HRH1: variants seen among roughly 807,000 people sequenced by gnomAD.
HRH1 encodes histamine H1 receptor.
A neutral mutation model predicts 10.3 loss-of-function variants in HRH1; 6 were observed. That is an observed-to-expected ratio of 0.58 (90% CI 0.32 to 1.15). HRH1 has a LOEUF of 1.15. HRH1 is among the 50% of genes most tolerant of loss of function. HRH1 has a pLI of 0.05. For missense variants in HRH1, 514 were observed against 615.3 expected (o/e 0.84, Z 1.74); for synonymous variants, 242 against 236.7 (o/e 1.02, Z -0.21).
chr3:11,167,634 A>G (rs966030740), intron 1 of HRH1, among the ~76,000 whole-genome samples: 7 of 152,264 alleles, frequency 4.6e-5, no homozygotes, highest in African/African-American at 9.6e-5. Flanking sequence ...AGCGCAATCA[A>G]TTGGTACCTC....
chr3:11,259,360 A>G lies in HRH1; in HGVS notation c.323A>G (p.Tyr108Cys), dbSNP rs1376009394. The G allele has an allele frequency of 1.2e-6, 2 of 1,613,442 alleles. No individual in the cohort carries two copies. Among genetic ancestry groups the G allele is most frequent in the African/African-American group, 2.7e-5 (2 of 74,762 alleles). Residue 108 changes from tyrosine (Y) to cysteine (C), a missense_variant, in exon 2 of 2, where the codon TAT becomes TGT. Transcript: ENST00000431010. The surrounding 1 kb of genome is among the most constrained non-coding windows in gnomAD (Gnocchi z 4.6). ...PLCLFWLSMD[Y>C]VASTASIFSV... ...TGCCTCTTTTGGCTTTCCATGGACTATGTGGCCAGCACAGCGTCCATTTTC... is the reference window on the plus strand; with the variant it reads ...TGCCTCTTTTGGCTTTCCATGGACTGTGTGGCCAGCACAGCGTCCATTTTC...
chr3:11,200,739 G>A (rs1295600844), intron 1 of HRH1, among the ~76,000 whole-genome samples: 3 of 152,100 alleles, frequency 2.0e-5, no homozygotes, highest in African/African-American at 2.4e-5. Context: ...TAACCCTTAC[G>A]CAGAAAGTCA....
At chr3:11,235,898 T>C (rs1238916233) in intron 1 of HRH1, among the ~76,000 whole-genome samples, 2 of 152,196 alleles carry the variant, frequency 1.3e-5, no homozygotes, top group African/African-American at 2.4e-5. Context: ...GTTTTGCCTG[T>C]GCCGATTGCC....
At chr3:11,160,126 G>T (rs529061978) in intron 1 of HRH1, among the ~76,000 whole-genome samples, 62 of 152,310 alleles carry the variant, frequency 4.1e-4, no homozygotes, top group African/African-American at 1.5e-3. Context: ...ACAGATTGAG[G>T]GACAGTCAGA....
intron 1 of HRH1, among the ~76,000 whole-genome samples, chr3:11,242,782 A>C (rs984297755): frequency 6.6e-6 from 1 of 152,270 alleles, no homozygotes; most frequent in South Asian, 2.1e-4. Context: ...GGTATGGTAC[A>C]ATATTCGTCA....
At chr3:11,250,422 T>C (rs1939618018) in intron 1 of HRH1, among the ~76,000 whole-genome samples, 1 of 151,994 alleles carries the variant, frequency 6.6e-6, no homozygotes, top group Non-Finnish European at 1.5e-5. Flanking sequence ...CCGGGTATGA[T>C]GCGTCCATCC....
chr3:11,139,964 G>A (rs747090403), intron 1 of HRH1, among the ~76,000 whole-genome samples: 1 of 151,990 alleles, frequency 6.6e-6, no homozygotes, highest in African/African-American at 2.4e-5. Flanking sequence ...TGGTTTAAAT[G>A]GTAGATTCTA....
At chr3:11,201,858 C>T (rs566837183) in intron 1 of HRH1, among the ~76,000 whole-genome samples, 11 of 152,290 alleles carry the variant, frequency 7.2e-5, no homozygotes, top group Admixed American at 5.9e-4. Flanking sequence ...TTAACTTTTC[C>T]GAGAAGTTAA....
chr3:11,204,763 G>A (rs1225676151), intron 1 of HRH1, among the ~76,000 whole-genome samples: 2 of 152,210 alleles, frequency 1.3e-5, no homozygotes, highest in Non-Finnish European at 2.9e-5. Context: ...CTCAGAAAGG[G>A]TCAGTCCTCC....
chr3:11,138,180 ATTTTTT>A (rs746775307), intron 1 of HRH1, among the ~76,000 whole-genome samples: 1 of 135,580 alleles, frequency 7.4e-6, no homozygotes, highest in African/African-American at 2.7e-5. Flanking sequence ...ACGTTTGGCT[ATTTTTT>A]TTTTTTTTTG....
upstream of HRH1, among the ~76,000 whole-genome samples, chr3:11,151,395 A>T (rs1393613752): frequency 1.3e-5 from 2 of 152,214 alleles, no homozygotes; most frequent in African/African-American, 4.8e-5. Flanking sequence ...ATCCAGGCCT[A>T]CTTCCTAAAC....
chr3:11,151,352 T>C (rs1364418272), upstream of HRH1, among the ~76,000 whole-genome samples: 1 of 152,252 alleles, frequency 6.6e-6, no homozygotes, highest in African/African-American at 2.4e-5. Flanking sequence ...GACAGATTTA[T>C]GACAATTACC....
intron 1 of HRH1, among the ~76,000 whole-genome samples, chr3:11,158,669 T>C (rs1936866731): frequency 6.6e-6 from 1 of 152,228 alleles, no homozygotes; most frequent in Non-Finnish European, 1.5e-5. Context: ...TATATTTCTA[T>C]TATTTGATAA....
chr3:11,144,479 A>ATACCTATAGACCTATAGACATACGTC (rs747602747), intron 1 of HRH1, among the ~76,000 whole-genome samples: 1 of 143,206 alleles, frequency 7.0e-6, no homozygotes, highest in Non-Finnish European at 1.6e-5. Context: ...ATAGACATAT[A>ATACCTATAGACCTATAGACATACGTC]TATACACACA....
chr3:11,152,646 C>G (rs985590259), upstream of HRH1, among the ~76,000 whole-genome samples: 7 of 149,950 alleles, frequency 4.7e-5, no homozygotes, highest in Non-Finnish European at 1.0e-4. Context: ...CTCCATCCCC[C>G]CCTTACCTCC....
At chr3:11,227,623 G>T (rs1413659781) in intron 1 of HRH1, among the ~76,000 whole-genome samples, 1 of 152,090 alleles carries the variant, frequency 6.6e-6, no homozygotes. Flanking sequence ...CCAGAAGGAG[G>T]CCTGTCTGAG....
At chr3:11,138,497 CA>C (rs1437259283) in intron 1 of HRH1, among the ~76,000 whole-genome samples, 1 of 152,094 alleles carries the variant, frequency 6.6e-6, no homozygotes, top group Non-Finnish European at 1.5e-5. Flanking sequence ...CAAATGTTGG[CA>C]AGGATGTGAA....
chr3:11,165,334 A>C (rs771533449), intron 1 of HRH1, among the ~76,000 whole-genome samples: 4 of 152,180 alleles, frequency 2.6e-5, no homozygotes, highest in Non-Finnish European at 4.4e-5. Context: ...TATAAATATC[A>C]AAAGTGCCTA....
chr3:11,155,210 G>C (rs574283669), intron 1 of HRH1, among the ~76,000 whole-genome samples: 20 of 152,300 alleles, frequency 1.3e-4, no homozygotes, highest in South Asian at 4.1e-4. Flanking sequence ...CCTGCAGTTC[G>C]GCTGCAGCTG....
Sources: gnomAD v4.1 joint callset for allele counts (sites outside exome capture counted in the v4.1 genomes callset) on GRCh38, gnomAD v4.1.1 for gene constraint, Gnocchi (gnomAD v3.1) non-coding constraint, MANE v1.5 for transcripts, NCBI Gene and HGNC (gene_info 2026-07-23, HGNC 2026-07-21) for gene names.